AMPH: variants seen among roughly 807,000 people sequenced by gnomAD.
The protein encoded by AMPH is amphiphysin (Stiff-Mann syndrome with breast cancer 128kD autoantigen).
Under a neutral mutation model 99.1 loss-of-function variants are expected in AMPH, and 49 were observed. The ratio of observed to expected loss-of-function variants is 0.49; its 90% CI spans 0.39 to 0.63. AMPH has a LOEUF of 0.63. Among genes scored for constraint, AMPH ranks in the 20% least tolerant of loss-of-function variants. The probability of loss-of-function intolerance (pLI) is 0.00; values close to 1 mark genes in which losing one functional copy is unlikely to be tolerated. For synonymous variants in AMPH, 314 were observed against 317.3 expected, an observed-to-expected ratio of 0.99 and a Z score of 0.11; for missense variants, 759 against 863.4, an observed-to-expected ratio of 0.88 and a Z score of 1.52.
In AMPH at chr7:38,503,744, A is replaced by G. The variant is rs769921745; in HGVS notation, c.151-40T>C. 1.7e-5 allele frequency: 27 copies of G among 1,597,642 alleles called. No individual in the cohort carries two copies. In the South Asian group the frequency reaches 1.9e-4, roughly 11 times the overall value. ...CACAGATGCTAAATATCTAGTCTAT[A>G]TTCTGCATGAAAACATGTAAGAAGT... On this transcript the variant is annotated intron_variant, in intron 2 of 20. Coordinates refer to ENST00000356264, the MANE Select transcript of AMPH (RefSeq NM_001635.4).
chr7:38,406,731 C>CTCTTT (rs1562732477), intron 17 of AMPH, among the ~76,000 whole-genome samples: 3 of 80,550 alleles, frequency 3.7e-5, no homozygotes, highest in Non-Finnish European at 7.1e-5. Flanking sequence ...TCTCCCTTTC[C>CTCTTT]CTCTCTCTCT....
At chr7:38,403,451 C>T (rs1443216350) in intron 17 of AMPH, among the ~76,000 whole-genome samples, 1 of 152,230 alleles carries the variant, frequency 6.6e-6, no homozygotes, top group Non-Finnish European at 1.5e-5. Flanking sequence ...CACTCGGACT[C>T]CCCGCAGGCC....
At chr7:38,550,736 G>A (rs1055102338) in intron 1 of AMPH, among the ~76,000 whole-genome samples, 2 of 152,122 alleles carry the variant, frequency 1.3e-5, no homozygotes, top group Non-Finnish European at 2.9e-5. Context: ...TATTTAAGCA[G>A]AGGACGGAAA....
At chr7:38,586,235 C>T (rs1411566986) in intron 1 of AMPH, among the ~76,000 whole-genome samples, 1 of 152,102 alleles carries the variant, frequency 6.6e-6, no homozygotes, top group East Asian at 1.9e-4. Context: ...TATAAAGAAC[C>T]CCCACAAACC....
intron 1 of AMPH, among the ~76,000 whole-genome samples, chr7:38,576,933 G>A (rs1165378495): frequency 7.2e-5 from 11 of 152,166 alleles, no homozygotes; most frequent in African/African-American, 1.2e-4. Flanking sequence ...GGGCTGTTCC[G>A]AGAAACCAAA....
At chr7:38,612,084 CTTCT>C (rs1258471644) in intron 1 of AMPH, among the ~76,000 whole-genome samples, 1,239 of 90,854 alleles carry the variant, frequency 0.014, 9 homozygotes, top group African/African-American at 0.052. Flanking sequence ...TTTTTGTCTT[CTTCT>C]TTTTTTTTTT....
At chr7:38,400,115 G>T (rs1727384054) in intron 17 of AMPH, among the ~76,000 whole-genome samples, 1 of 151,910 alleles carries the variant, frequency 6.6e-6, no homozygotes, top group Admixed American at 6.6e-5. Context: ...CACTCTTGTT[G>T]CCCAGGCTGG....
chr7:38,532,742 A>G (rs1225829550), intron 2 of AMPH, among the ~76,000 whole-genome samples: 1 of 138,060 alleles, frequency 7.2e-6, no homozygotes, highest in Non-Finnish European at 1.6e-5. Context: ...AAAGCTGGGA[A>G]AAAAAAAAAA....
At chr7:38,531,004 T>G (rs1790378114) in intron 2 of AMPH, 1 of 152,244 alleles carries the variant, frequency 6.6e-6, no homozygotes, top group Non-Finnish European at 1.5e-5. Context: ...CTTCCTTCTT[T>G]CTTTCTTTCC....
Position 38,491,119 on chromosome 7 carries a change from G to C in AMPH, c.327C>G (p.Phe109Leu), listed in dbSNP as rs866081871. ...GEKCDVLWED[F>L]HQKLVDGSLL... ...AGGACCCATCCACGAGTTTTTGATGGAAGTCTTCCCACAGCACATCACATT... is the reference window on the plus strand; with the variant it reads ...AGGACCCATCCACGAGTTTTTGATGCAAGTCTTCCCACAGCACATCACATT... Residue 109 changes from phenylalanine to leucine, a missense_variant, in exon 5 of 21, where the codon TTC becomes TTG. Coordinates refer to ENST00000356264, the MANE Select transcript of AMPH (RefSeq NM_001635.4). The C allele has an allele frequency of 6.2e-7, 1 of 1,612,810 alleles. No homozygotes were observed. The highest frequency in any genetic ancestry group is 1.3e-5 in the African/African-American group (1 of 74,940).
chr7:38,537,665 G>C (rs1365253351), intron 1 of AMPH, among the ~76,000 whole-genome samples: 1 of 152,206 alleles, frequency 6.6e-6, no homozygotes, highest in East Asian at 1.9e-4. Context: ...AGAAGTAAGG[G>C]ATGACTTAAA....
At chr7:38,406,582 T>C (rs1337101197) in intron 17 of AMPH, among the ~76,000 whole-genome samples, 1 of 152,012 alleles carries the variant, frequency 6.6e-6, no homozygotes, top group Non-Finnish European at 1.5e-5. Context: ...GACTGACATT[T>C]GAGTCAGTGG....
chr7:38,518,629 C>T (rs941610263), intron 2 of AMPH, among the ~76,000 whole-genome samples: 1 of 152,146 alleles, frequency 6.6e-6, no homozygotes, highest in Non-Finnish European at 1.5e-5. Flanking sequence ...TACGCCTGTC[C>T]CACCATTGTA....
At chr7:38,400,752 T>C (rs1434917789) in intron 17 of AMPH, among the ~76,000 whole-genome samples, 2 of 152,202 alleles carry the variant, frequency 1.3e-5, no homozygotes. Flanking sequence ...GTTTTCTTTG[T>C]GATATTAGCT....
intron 16 of AMPH, among the ~76,000 whole-genome samples, chr7:38,418,766 T>C (rs973859363): frequency 4.6e-5 from 7 of 152,164 alleles, no homozygotes; most frequent in African/African-American, 1.7e-4. Context: ...CCCTGAATTG[T>C]GTAGGCAGGG....
intron 1 of AMPH, among the ~76,000 whole-genome samples, chr7:38,620,854 G>A (rs1201039933): frequency 6.6e-6 from 1 of 152,118 alleles, no homozygotes; most frequent in Non-Finnish European, 1.5e-5. Flanking sequence ...CCAGTGTCCT[G>A]GCTCTGTGTC....
intron 1 of AMPH, among the ~76,000 whole-genome samples, chr7:38,536,879 A>G (rs1000861860): frequency 6.6e-6 from 1 of 152,136 alleles, no homozygotes; most frequent in African/African-American, 2.4e-5. Context: ...GGAAGACTTG[A>G]TAAACATAAG....
chr7:38,408,296 T>A (rs1484047689), intron 17 of AMPH, among the ~76,000 whole-genome samples: 1 of 152,184 alleles, frequency 6.6e-6, no homozygotes, highest in Non-Finnish European at 1.5e-5. Context: ...TTCACTTAAA[T>A]TGTTGGAATG....
rs1049776853 is a variant in AMPH, at chr7:38,524,482, G to T, written c.150+10449C>A. Among the ~76,000 whole-genome samples, 3 of 152,184 alleles carry T rather than the reference G, an allele frequency of 2.0e-5. No individual in the cohort carries two copies. The East Asian group carries it at 5.8e-4, about 29-fold the overall frequency. ...AGTTTTGTCATAGGCAAAATTTGGG[G>T]ATCTGCAAATTAGATGGTAATACGG... is the stretch of plus-strand genomic sequence containing the variant. On this transcript the variant is annotated intron_variant, in intron 2 of 20. Coordinates refer to ENST00000356264, the MANE Select transcript of AMPH (RefSeq NM_001635.4).
Sources: gnomAD v4.1 joint callset for allele counts (sites outside exome capture counted in the v4.1 genomes callset) on GRCh38, gnomAD v4.1.1 for gene constraint, MANE v1.5 for transcripts, NCBI Gene and HGNC (gene_info 2026-07-23, HGNC 2026-07-21) for gene names.